Variants in FEZF2 observed in about 807,000 individuals in gnomAD.
FEZF2 encodes FEZ family zinc finger 2.
In FEZF2, 2 loss-of-function variants were observed where a neutral mutation model predicts 32.8. That is an observed-to-expected ratio of 0.06 (90% CI 0.02 to 0.19). FEZF2 has a LOEUF of 0.19. Ranked by LOEUF, FEZF2 falls within the 10% of genes least tolerant of loss-of-function variation. The probability of loss-of-function intolerance (pLI) is 1.00; values close to 1 mark genes in which losing one functional copy is unlikely to be tolerated. For synonymous variants in FEZF2, 322 were observed against 284.8 expected (o/e 1.13, Z -1.32); for missense variants, 516 against 625.4 (o/e 0.83, Z 1.87).
chr3:62,370,389 G>A lies in FEZF2; in HGVS notation c.1121-47C>T, dbSNP rs375055738. 2 of 1,596,414 alleles carry A rather than the reference G, an allele frequency of 1.3e-6. No homozygotes were observed. Among genetic ancestry groups the A allele is most frequent in the East Asian group, 2.2e-5 (1 of 44,564 alleles). ...AAACGTGGGGGTATGGAGTAGAATGGTGGGGAGGAAGAGGCGGGCGTCCCA... is the reference window on the plus strand; with the variant it reads ...AAACGTGGGGGTATGGAGTAGAATGATGGGGAGGAAGAGGCGGGCGTCCCA... On this transcript the variant is annotated intron_variant, in intron 4 of 4. Transcript: ENST00000283268. The surrounding 1 kb of genome is among the most constrained non-coding windows in gnomAD (Gnocchi z 4.2).
Position 62,372,264 on chromosome 3 carries a change from G to C in FEZF2, c.605C>G (p.Ala202Gly). 1 of 1,588,308 alleles carries C rather than the reference G, an allele frequency of 6.3e-7. No homozygotes were observed. Among genetic ancestry groups the C allele is most frequent in the South Asian group, 1.1e-5 (1 of 88,006 alleles). The change falls in exon 2 of 5, where the codon GCC becomes GGC. Residue 202 changes from alanine (A) to glycine (G), a missense_variant. Physicochemically the swap from Ala to Gly is moderately conservative, Grantham distance 60. Transcript: ENST00000283268. The surrounding 1 kb of genome is among the most constrained non-coding windows in gnomAD (Gnocchi z 9.6). ...GAGCTTGGGGTGAGCAGCCAGGGCG[G>C]CGGGGGCCTGCGCATTGAGGAGGCC... ...PSGLLNAQAP[A>G]ALAAHPKLFL... is the part of the protein sequence containing the mutation.
rs1704252463 is a variant in FEZF2 at position 62,370,423 on chromosome 3, C to T, written c.1121-81G>A. Reference sequence around the variant, plus strand: ...AAGAGGCGGGCGTCCCAGGGGCAGCCCAGGTGCCTGCTCAAAAAAGGCGAC... The same window carrying T: ...AAGAGGCGGGCGTCCCAGGGGCAGCTCAGGTGCCTGCTCAAAAAAGGCGAC... On this transcript the variant is annotated intron_variant, in intron 4 of 4. Transcript: ENST00000283268. The surrounding 1 kb of genome is among the most constrained non-coding windows in gnomAD (Gnocchi z 4.2). 1.3e-6 allele frequency: 2 copies of T among 1,486,648 alleles called. No homozygotes were observed. Among genetic ancestry groups the T allele is most frequent in the Non-Finnish European group, 1.8e-6 (2 of 1,092,452 alleles). 92.1% of individuals were successfully genotyped at this position (1,486,648 alleles called of 1,614,324 possible).
At position 62,369,748 on chromosome 3, in the gene FEZF2, A is replaced by G; in HGVS notation, c.*335T>C. ...TGTACAGGAGGATTTACATGGCTGT[A>G]TAAAGATGGCTAGGGGCGCCGCGCT... On this transcript the variant is annotated 3_prime_UTR_variant, in exon 5 of 5. Coordinates refer to ENST00000283268, the MANE Select transcript of FEZF2 (RefSeq NM_018008.4). The surrounding 1 kb of genome is among the most constrained non-coding windows in gnomAD (Gnocchi z 4.2). 3.5e-6 allele frequency: 1 copy of G among 286,318 alleles called. No individual in the cohort carries two copies. The highest frequency in any genetic ancestry group is 5.9e-5 in the South Asian group (1 of 17,086). The allele number at this position is 286,318 out of a possible 1,614,324, so 17.7% of individuals were successfully genotyped here.
In FEZF2 at chr3:62,372,737, C is replaced by T. The variant is rs909654889; in HGVS notation, c.132G>A (p.Ala44=). The change falls in exon 2 of 5, where the codon GCG becomes GCA. Residue 44 remains alanine, a synonymous_variant. Coordinates refer to ENST00000283268, the MANE Select transcript of FEZF2 (RefSeq NM_018008.4). The surrounding 1 kb of genome is among the most constrained non-coding windows in gnomAD (Gnocchi z 9.6). ...RIMAKTSEPR[A]PFEPRPGALE... ...GCGCTCCAGGCCGGGGCTCAAAGGG[C>T]GCACGGGGCTCCGACGTCTTGGCCA... 1.2e-6 allele frequency: 2 copies of T among 1,609,100 alleles called. No homozygotes were observed. The highest frequency in any genetic ancestry group is 1.3e-5 in the African/African-American group (1 of 74,622).
intron 3 of FEZF2, 89 bp from the exon 4 acceptor site, chr3:62,371,438 G>C: frequency 1.3e-6 from 2 of 1,580,416 alleles, no homozygotes; most frequent in South Asian, 2.4e-5. Flanking sequence ...CAACCCTAGA[G>C]GGTAAGGGAT....
Position 62,371,351 on chromosome 3 carries a change from T to C in FEZF2, c.988-2A>G. The C allele has an allele frequency of 6.2e-7, 1 of 1,613,478 alleles. No homozygotes were observed. The highest frequency in any genetic ancestry group is 8.5e-7 in the Non-Finnish European group (1 of 1,179,632). On this transcript the variant is annotated splice_acceptor_variant, in intron 3 of 4. Coordinates refer to ENST00000283268, the MANE Select transcript of FEZF2 (RefSeq NM_018008.4). LOFTEE classifies it high-confidence loss of function. ...CTGGTTGCATTTATGTGGCTTTTCC[T>C]GAGGAAAGGGGCGAGTGCACAGTAA...
chr3:62,372,137 C>T lies in FEZF2; in HGVS notation c.732G>A (p.Gln244=). ...TCAGGGCCGAGTTTTCCTTCAGTACCTGCTCCAGCGGCGCCGGCAAGCGCT... is the reference window on the plus strand; with the variant it reads ...TCAGGGCCGAGTTTTCCTTCAGTACTTGCTCCAGCGGCGCCGGCAAGCGCT... The part of the protein sequence containing the change: ...HKERLPAPLE[Q]VLKENSALTA... Residue 244 remains glutamine, a synonymous_variant, in exon 2 of 5, where the codon CAG becomes CAA. Transcript: ENST00000283268. The surrounding 1 kb of genome is among the most constrained non-coding windows in gnomAD (Gnocchi z 9.6). 6.3e-7 allele frequency: 1 copy of T among 1,597,310 alleles called. No individual in the cohort carries two copies. The highest frequency in any genetic ancestry group is 2.3e-5 in the East Asian group (1 of 44,164).
chr3:62,373,061 C>G lies in FEZF2; in HGVS notation c.-58-135G>C. ...AGGGTACCAAATTACCGCCCATTAA[C>G]CCGGCGCGCAAAGGAACCCACCAGC... is the stretch of plus-strand genomic sequence containing the variant. On this transcript the variant is annotated intron_variant, in intron 1 of 4. Coordinates refer to ENST00000283268, the MANE Select transcript of FEZF2 (RefSeq NM_018008.4). The surrounding 1 kb of genome is among the most constrained non-coding windows in gnomAD (Gnocchi z 5.5). 2.1e-6 allele frequency: 1 copy of G among 467,406 alleles called. No individual in the cohort carries two copies. The highest frequency in any genetic ancestry group is 3.5e-6 in the Non-Finnish European group (1 of 289,530). 29.0% of individuals were successfully genotyped at this position (467,406 alleles called of 1,614,324 possible).
chr3:62,373,117 A>T lies in FEZF2; in HGVS notation c.-59+162T>A, dbSNP rs887064588. The T allele has an allele frequency of 3.6e-4, 67 of 188,532 alleles. No homozygotes were observed. The highest frequency in any genetic ancestry group is 4.4e-4 in the Non-Finnish European group (42 of 96,206). 11.7% of individuals were successfully genotyped at this position (188,532 alleles called of 1,614,324 possible). A position where few individuals can be genotyped will look rare whatever the true frequency, so the allele number is the denominator to read the frequency against. ...CCCTGGGACTTTGAAAGGGGGAAGA[A>T]GGGGGAGGGTTTACAAAAGAAAAGG... On this transcript the variant is annotated intron_variant, in intron 1 of 4. Coordinates refer to ENST00000283268, the MANE Select transcript of FEZF2 (RefSeq NM_018008.4). This position sits in a 1 kb window ranked among gnomAD's most constrained non-coding sequence, Gnocchi z 5.5.
chr3:62,371,554 C>T lies in FEZF2; in HGVS notation c.966G>A (p.Arg322=), dbSNP rs1317747052. Residue 322 remains arginine, a synonymous_variant, in exon 3 of 5, where the codon AGG becomes AGA. Transcript: ENST00000283268. The part of the protein sequence containing the change: ...KGFRQASTLC[R]HKIIHTQEKP... ...GTACCTGGGTGTGGATAATTTTGTG[C>T]CTGCAGAGCGTGCTGGCCTGGCGAA... The T allele has an allele frequency of 3.1e-6, 5 of 1,613,238 alleles. No homozygotes were observed. In the South Asian group the frequency reaches 4.4e-5, roughly 14 times the overall value.
At position 62,372,183 on chromosome 3, in the gene FEZF2, G is replaced by C; in HGVS notation, c.686C>G (p.Pro229Arg). The C allele has an allele frequency of 6.3e-7, 1 of 1,581,902 alleles. No homozygotes were observed. The highest frequency in any genetic ancestry group is 8.6e-7 in the Non-Finnish European group (1 of 1,163,780). The change falls in exon 2 of 5, where the codon CCG (proline) becomes CGG (arginine). Residue 229 changes from proline (P) to arginine (R), a missense_variant. Physicochemically the swap from Pro to Arg is moderately radical, Grantham distance 103. Around this residue, in one of 3 missense-constraint regions of FEZF2, gnomAD observed 408 missense variants for 382.2 expected, o/e 1.07. Transcript: ENST00000283268. The surrounding 1 kb of genome is among the most constrained non-coding windows in gnomAD (Gnocchi z 9.6). ...AGLAADKFPHPAPYPHKERLP... is the reference protein window; with the variant it reads ...AGLAADKFPHRAPYPHKERLP... ...GCGCTCCTTATGGGGATAGGGAGCC[G>C]GGTGGGGGAACTTGTCCGCAGCCAG... is the stretch of plus-strand genomic sequence containing the variant.
In FEZF2 at chr3:62,373,270, C is replaced by T. The variant is rs1704301983; in HGVS notation, c.-59+9G>A. The T allele has an allele frequency of 5.2e-6, 1 of 190,958 alleles. No homozygotes were observed. Among genetic ancestry groups the T allele is most frequent in the Admixed American group, 6.1e-5 (1 of 16,280 alleles). The allele number at this position is 190,958 out of a possible 1,614,324, so 11.8% of individuals were successfully genotyped here. A position where few individuals can be genotyped will look rare whatever the true frequency, so the allele number is the denominator to read the frequency against. ...GTTAAAGAGGACCGGAGAGCCACCT[C>T]GCATTTACCTCTTTCCCCCACCACC... On this transcript the variant is annotated intron_variant, in intron 1 of 4. Transcript: ENST00000283268. This position sits in a 1 kb window ranked among gnomAD's most constrained non-coding sequence, Gnocchi z 5.5.
At position 62,372,497 on chromosome 3, in the gene FEZF2, G is replaced by T. The variant is rs769505534; in HGVS notation, c.372C>A (p.Ser124Arg). 6.8e-7 allele frequency: 1 copy of T among 1,471,996 alleles called. No homozygotes were observed. Among genetic ancestry groups the T allele is most frequent in the South Asian group, 1.4e-5 (1 of 71,272 alleles). 91.2% of individuals were successfully genotyped at this position (1,471,996 alleles called of 1,614,324 possible). Residue 124 changes from serine to arginine, a missense_variant, in exon 2 of 5, where the codon AGC becomes AGA. By Grantham distance (110) the Ser-to-Arg change is moderately radical. Coordinates refer to ENST00000283268, the MANE Select transcript of FEZF2 (RefSeq NM_018008.4). The surrounding 1 kb of genome is among the most constrained non-coding windows in gnomAD (Gnocchi z 9.6). The stretch of plus-strand genomic sequence containing the variant: ...CGCCACAGTTGGTTTTGCACAAGCC[G>T]CTGGCGCCGCACACTGGGGCCCCCC... ...GGGGAPVCGA[S>R]GLCKTNCGVC... is the part of the protein sequence containing the mutation.
In FEZF2 at chr3:62,372,617, C is replaced by A. The variant is rs749178171; in HGVS notation, c.252G>T (p.Pro84=). The change falls in exon 2 of 5, where the codon CCG becomes CCT. Residue 84 remains proline (P), a synonymous_variant. Transcript: ENST00000283268. The surrounding 1 kb of genome is among the most constrained non-coding windows in gnomAD (Gnocchi z 9.6). ...CCGAGTAACTGAGCAGTGTCTTTGA[C>A]GGCACCTCGTAGCCTAGGGGCTGGA... ...IPLQPLGYEV[P]SKTLLSYSEL... 9 of 1,560,968 alleles carry A rather than the reference C, an allele frequency of 5.8e-6. No individual in the cohort carries two copies. The South Asian group carries it at 1.1e-4, about 18-fold the overall frequency.
chr3:62,370,446 G>A lies in FEZF2; in HGVS notation c.1121-104C>T. The A allele has an allele frequency of 2.4e-6, 3 of 1,261,672 alleles. No homozygotes were observed. Among genetic ancestry groups the A allele is most frequent in the East Asian group, 2.3e-5 (1 of 42,960 alleles). 78.2% of individuals were successfully genotyped at this position (1,261,672 alleles called of 1,614,324 possible). A position where few individuals can be genotyped will look rare whatever the true frequency, so the allele number is the denominator to read the frequency against. On this transcript the variant is annotated intron_variant, in intron 4 of 4. Transcript: ENST00000283268. The surrounding 1 kb of genome is among the most constrained non-coding windows in gnomAD (Gnocchi z 4.2). ...GCCCAGGTGCCTGCTCAAAAAAGGC[G>A]ACGCTTGGCTAGGCGGGCGCGACCT...
chr3:62,370,797 A>G lies in FEZF2; in HGVS notation c.1120+420T>C, dbSNP rs1049387816. 1.2e-4 allele frequency among the ~76,000 whole-genome samples: 18 copies of G among 152,344 alleles called. No homozygotes were observed. Among genetic ancestry groups the G allele is most frequent in the African/African-American group, 4.1e-4 (17 of 41,582 alleles). On this transcript the variant is annotated intron_variant, in intron 4 of 4. Transcript: ENST00000283268. This position sits in a 1 kb window ranked among gnomAD's most constrained non-coding sequence, Gnocchi z 4.2. ...ACTGAAGATCCAAAAGTGCCTTGGAAAATCCGATCCAGGGGCCAAGGATCA... is the reference window on the plus strand; with the variant it reads ...ACTGAAGATCCAAAAGTGCCTTGGAGAATCCGATCCAGGGGCCAAGGATCA...
Position 62,372,458 on chromosome 3 carries a change from G to C in FEZF2, c.411C>G (p.Ala137=), listed in dbSNP as rs780545858. ...GCGCGGACGGCGCCAGGCCCAGCTCGGCCTTGCAGCACACGCCACAGTTGG... is the reference window on the plus strand; with the variant it reads ...GCGCGGACGGCGCCAGGCCCAGCTCCGCCTTGCAGCACACGCCACAGTTGG... The part of the protein sequence containing the change: ...CKTNCGVCCK[A]ELGLAPSALP... The change falls in exon 2 of 5, where the codon GCC becomes GCG. Residue 137 remains alanine (A), a synonymous_variant. Transcript: ENST00000283268. The surrounding 1 kb of genome is among the most constrained non-coding windows in gnomAD (Gnocchi z 9.6). 6.2e-7 allele frequency: 1 copy of C among 1,602,480 alleles called. No individual in the cohort carries two copies. The highest frequency in any genetic ancestry group is 1.1e-5 in the South Asian group (1 of 89,758).
Position 62,372,505 on chromosome 3 carries a change from C to T in FEZF2, c.364G>A (p.Gly122Ser). Reference protein sequence around the residue: ...GGGGGGAPVCGASGLCKTNCG... With the variant: ...GGGGGGAPVCSASGLCKTNCG... ...TTGGTTTTGCACAAGCCGCTGGCGC[C>T]GCACACTGGGGCCCCCCCGCCGCCG... Residue 122 changes from glycine to serine, a missense_variant, in exon 2 of 5, where the codon GGC (glycine) becomes AGC (serine). Gly to Ser is a moderately conservative substitution (Grantham distance 56, BLOSUM62 0). Around this residue, in one of 3 missense-constraint regions of FEZF2, gnomAD observed 408 missense variants for 382.2 expected, o/e 1.07. Coordinates refer to ENST00000283268, the MANE Select transcript of FEZF2 (RefSeq NM_018008.4). The surrounding 1 kb of genome is among the most constrained non-coding windows in gnomAD (Gnocchi z 9.6). 1.4e-6 allele frequency: 2 copies of T among 1,398,398 alleles called. No individual in the cohort carries two copies. Among genetic ancestry groups the T allele is most frequent in the Non-Finnish European group, 1.9e-6 (2 of 1,071,742 alleles). 86.6% of individuals were successfully genotyped at this position (1,398,398 alleles called of 1,614,324 possible).
Position 62,373,054 on chromosome 3 carries a change from C to T in FEZF2, c.-58-128G>A. 4.1e-6 allele frequency: 2 copies of T among 482,246 alleles called. No homozygotes were observed. The highest frequency in any genetic ancestry group is 6.6e-6 in the Non-Finnish European group (2 of 303,364). 29.9% of individuals were successfully genotyped at this position (482,246 alleles called of 1,614,324 possible). ...GCACCCAAGGGTACCAAATTACCGC[C>T]CATTAACCCGGCGCGCAAAGGAACC... On this transcript the variant is annotated intron_variant, in intron 1 of 4. Transcript: ENST00000283268. This position sits in a 1 kb window ranked among gnomAD's most constrained non-coding sequence, Gnocchi z 5.5.
Sources: allele counts gnomAD v4.1 joint callset (sites outside exome capture counted in the v4.1 genomes callset), GRCh38; gene constraint gnomAD v4.1.1; regional missense constraint gnomAD v4.1.1; non-coding constraint Gnocchi (gnomAD v3.1); transcripts MANE v1.5; gene names NCBI Gene and HGNC (gene_info 2026-07-23, HGNC 2026-07-21).